FMNL2: variants seen among roughly 807,000 people sequenced by gnomAD.
FMNL2 encodes the protein formin-like protein 2.
Under a neutral mutation model 130.2 loss-of-function variants are expected in FMNL2, and 51 were observed. That is an observed-to-expected ratio of 0.39 (90% CI 0.31 to 0.49). FMNL2 has a LOEUF of 0.49. Among genes scored for constraint, FMNL2 ranks in the 20% least tolerant of loss-of-function variants. The pLI is 0.85. For missense variants in FMNL2, 977 were observed against 1,316.2 expected (o/e 0.74, Z 3.99); for synonymous variants, 465 against 467.1 (o/e 1.00, Z 0.06).
chr2:152,632,772 G>A (rs535806253), intron 21 of FMNL2, among the ~76,000 whole-genome samples: 1 of 152,206 alleles, frequency 6.6e-6, no homozygotes, highest in Admixed American at 6.5e-5. Context: ...CTCATGAAGT[G>A]TATTATCCAA....
chr2:152,367,073 GTT>G (rs1553869243), intron 1 of FMNL2, among the ~76,000 whole-genome samples: 12 of 88,170 alleles, frequency 1.4e-4, no homozygotes, highest in Middle Eastern at 5.3e-3. Context: ...GTGTGTGTGT[GTT>G]TGTTTTTTTT....
chr2:152,640,758 G>C, intron 24 of FMNL2, 33 bp from the exon 25 acceptor site: 1 of 1,607,900 alleles, frequency 6.2e-7, no homozygotes, highest in Non-Finnish European at 8.5e-7. Flanking sequence ...ATGGGTGCTG[G>C]CCTCACTAAT....
intron 12 of FMNL2, among the ~76,000 whole-genome samples, chr2:152,616,763 G>T (rs1214565661): frequency 1.3e-5 from 2 of 152,146 alleles, no homozygotes; most frequent in African/African-American, 2.4e-5. Flanking sequence ...TGGAGTGGGG[G>T]ATGGAGGTGG....
chr2:152,638,801 C>T (rs1682839517), intron 23 of FMNL2, among the ~76,000 whole-genome samples: 1 of 152,192 alleles, frequency 6.6e-6, no homozygotes, highest in East Asian at 1.9e-4. Context: ...TAGAGATAGT[C>T]TGCGATGGCC....
At chr2:152,424,962 G>T (rs544397663) in intron 1 of FMNL2, among the ~76,000 whole-genome samples, 1 of 152,166 alleles carries the variant, frequency 6.6e-6, no homozygotes, top group Non-Finnish European at 1.5e-5. Context: ...ATACAAGGGC[G>T]CTGAGTTTGT....
At position 152,607,387 on chromosome 2, in the gene FMNL2, A is replaced by G. The variant is rs1243801905; in HGVS notation, c.925A>G (p.Asn309Asp). ...TGAGAAGTTGATGGAACATTTCAGG[A>G]ATGAAGACAATAACATAGATTTTAT... The part of the protein sequence containing the change: ...RFEKLMEHFR[N>D]EDNNIDFMVA... The change falls in exon 10 of 26, where the codon AAT (asparagine) becomes GAT (aspartate). Residue 309 changes from asparagine (N) to aspartate (D), a missense_variant. Physicochemically the swap from Asn to Asp is conservative, Grantham distance 23. Transcript: ENST00000288670. The G allele has an allele frequency of 6.2e-7, 1 of 1,613,448 alleles. No homozygotes were observed. Among genetic ancestry groups the G allele is most frequent in the Non-Finnish European group, 8.5e-7 (1 of 1,179,642 alleles).
At chr2:152,550,267 T>G (rs2105535833) in intron 4 of FMNL2, among the ~76,000 whole-genome samples, 1 of 152,350 alleles carries the variant, frequency 6.6e-6, no homozygotes, top group East Asian at 1.9e-4. Context: ...ACTGTAGAAA[T>G]GCTATTGTGA....
At chr2:152,340,875 A>G (rs1248635425) in intron 1 of FMNL2, among the ~76,000 whole-genome samples, 2 of 152,076 alleles carry the variant, frequency 1.3e-5, no homozygotes, top group African/African-American at 2.4e-5. Context: ...TATTTTTAGT[A>G]GAGATGGGGT....
intron 1 of FMNL2, among the ~76,000 whole-genome samples, chr2:152,337,879 C>T (rs1023743984): frequency 1.3e-5 from 2 of 152,164 alleles, no homozygotes; most frequent in East Asian, 3.9e-4. Flanking sequence ...GAACCCTCTT[C>T]CTAGGGACGC....
chr2:152,394,157 T>C (rs1685271850), intron 1 of FMNL2, among the ~76,000 whole-genome samples: 1 of 152,222 alleles, frequency 6.6e-6, no homozygotes, highest in Admixed American at 6.5e-5. Flanking sequence ...CATCAAATTT[T>C]AAATTTCTGA....
intron 1 of FMNL2, among the ~76,000 whole-genome samples, chr2:152,343,872 G>T (rs1439039344): frequency 6.6e-6 from 1 of 152,152 alleles, no homozygotes; most frequent in Non-Finnish European, 1.5e-5. Context: ...GTACAAGTGG[G>T]CCAGGTACAG....
Position 152,640,754 on chromosome 2 carries a change from G to A in FMNL2, c.3046-37G>A, listed in dbSNP as rs772851685. 14 of 1,606,498 alleles carry A rather than the reference G, an allele frequency of 8.7e-6. No homozygotes were observed. The South Asian group carries it at 1.4e-4, about 17-fold the overall frequency. ...GGATTTTCACAAACTCCTAATGGGTGCTGGCCTCACTAATCTCTGCCCTTC... is the reference window on the plus strand; with the variant it reads ...GGATTTTCACAAACTCCTAATGGGTACTGGCCTCACTAATCTCTGCCCTTC... On this transcript the variant is annotated intron_variant, in intron 24 of 25. Transcript: ENST00000288670.
At chr2:152,555,659 G>A (rs558880066) in intron 4 of FMNL2, among the ~76,000 whole-genome samples, 3 of 152,182 alleles carry the variant, frequency 2.0e-5, no homozygotes, top group Non-Finnish European at 4.4e-5. Flanking sequence ...CATTGTCCCT[G>A]TCTTTTCCAG....
At chr2:152,504,496 C>T (rs772900842) in intron 1 of FMNL2, among the ~76,000 whole-genome samples, 13 of 151,840 alleles carry the variant, frequency 8.6e-5, no homozygotes, top group African/African-American at 2.9e-4. Context: ...CCGCCTGCTT[C>T]GGCCTCCCAA....
At chr2:152,631,977 G>C (rs545478314) in intron 20 of FMNL2, 31 bp from the exon 21 acceptor site, 2 of 1,601,672 alleles carry the variant, frequency 1.2e-6, no homozygotes, top group African/African-American at 2.7e-5. Context: ...CTTTACTCTT[G>C]TACCTAACCC....
At chr2:152,342,794 T>C (rs1458137016) in intron 1 of FMNL2, among the ~76,000 whole-genome samples, 3 of 152,184 alleles carry the variant, frequency 2.0e-5, no homozygotes, top group African/African-American at 7.2e-5. Context: ...TGAACTGTGA[T>C]CTCAACCAAG....
At chr2:152,442,463 G>A (rs138656519) in intron 1 of FMNL2, among the ~76,000 whole-genome samples, 1 of 151,906 alleles carries the variant, frequency 6.6e-6, no homozygotes, top group Admixed American at 6.6e-5. Context: ...TGTCCAGGCT[G>A]GTCTGAAAAG....
chr2:152,521,978 A>G lies in FMNL2; in HGVS notation c.153A>G (p.Leu51=). ...AMNLPPDKAR[L]LRQYDNEKKW... ...ACCTACCTCCTGACAAAGCCAGGTT[A>G]CTGCGGCAGTATGATAATGAGAAAA... Residue 51 remains leucine, a synonymous_variant, in exon 2 of 26, where the codon TTA becomes TTG. Transcript: ENST00000288670. 1.2e-6 allele frequency: 2 copies of G among 1,612,870 alleles called. No homozygotes were observed. The highest frequency in any genetic ancestry group is 1.7e-6 in the Non-Finnish European group (2 of 1,179,534).
At chr2:152,500,776 C>A (rs1017076702) in intron 1 of FMNL2, among the ~76,000 whole-genome samples, 1 of 149,958 alleles carries the variant, frequency 6.7e-6, no homozygotes, top group Non-Finnish European at 1.5e-5. Flanking sequence ...TGAACCCCAG[C>A]GAGGCAGAGG....
Sources: gnomAD v4.1 joint callset for allele counts (sites outside exome capture counted in the v4.1 genomes callset) on GRCh38, gnomAD v4.1.1 for gene constraint, MANE v1.5 for transcripts, NCBI Gene and HGNC (gene_info 2026-07-23, HGNC 2026-07-21) for gene names.